Variants in PRSS23 observed in about 807,000 individuals in gnomAD.
PRSS23 encodes protease, serine 23.
PRSS23 carries 25 observed loss-of-function variants against 34.7 expected under a neutral mutation model. The ratio of observed to expected loss-of-function variants is 0.72; its 90% CI spans 0.53 to 1.01. The LOEUF (loss-of-function observed/expected upper bound fraction) is 1.01. PRSS23 is among the 50% of genes least tolerant of loss of function. PRSS23 has a pLI of 0.00. For missense variants in PRSS23, 445 were observed against 475.6 expected (o/e 0.94, Z 0.60); for synonymous variants, 176 against 186.6 (o/e 0.94, Z 0.46).
At chr11:86,821,637 G>T in intron 1 of PRSS23, 1 of 1,590,058 alleles carries the variant, frequency 6.3e-7, no homozygotes, top group African/African-American at 1.3e-5. Flanking sequence ...TTTCATCTTG[G>T]CCTTCAGCTG....
intron 2 of PRSS23, chr11:86,949,070 C>T (rs1328489648): frequency 1.3e-5 from 2 of 152,256 alleles, no homozygotes; most frequent in African/African-American, 4.8e-5. Context: ...AATGGTTCTT[C>T]TGGGGATCAA....
In PRSS23 at chr11:86,847,444, T is replaced by C. The variant is rs542188013; in HGVS notation, c.206+23851T>C. On this transcript the variant is annotated intron_variant, in intron 2 of 2. Transcript: ENST00000533902. ...GCAGGGGCAAGGGAAGTTTCCATCC[T>C]GCCAGTAAGCATGGTTAAATCTGGT... is the stretch of plus-strand genomic sequence containing the variant. Among the ~76,000 whole-genome samples, 41 of 152,300 alleles carry C rather than the reference T, an allele frequency of 2.7e-4. No homozygotes were observed. The East Asian group carries it at 6.4e-3, about 24-fold the overall frequency.
chr11:86,903,915 C>T (rs1049943709), intron 2 of PRSS23, among the ~76,000 whole-genome samples: 4 of 152,152 alleles, frequency 2.6e-5, no homozygotes, highest in Non-Finnish European at 5.9e-5. Context: ...GTGTAAACCA[C>T]CTGGTGTATG....
chr11:86,867,058 G>T (rs112955645), intron 2 of PRSS23, among the ~76,000 whole-genome samples: 2 of 152,314 alleles, frequency 1.3e-5, no homozygotes, highest in African/African-American at 4.8e-5. Flanking sequence ...TAGAGAAAGA[G>T]ACTCAGTACA....
At chr11:86,791,631 G>C (rs1173965656) in intron 1 of PRSS23, among the ~76,000 whole-genome samples, 2 of 152,134 alleles carry the variant, frequency 1.3e-5, no homozygotes, top group Admixed American at 1.3e-4. Context: ...CTAGACTGTG[G>C]GGAAGAAGTG....
chr11:86,908,114 A>G (rs1054051267), intron 2 of PRSS23, among the ~76,000 whole-genome samples: 1 of 152,176 alleles, frequency 6.6e-6, no homozygotes, highest in Admixed American at 6.5e-5. Context: ...TTCTTTATCT[A>G]CAGACATTTA....
At chr11:86,822,423 C>G (rs774993778) in intron 1 of PRSS23, among the ~76,000 whole-genome samples, 1 of 152,062 alleles carries the variant, frequency 6.6e-6, no homozygotes, top group South Asian at 2.1e-4. Flanking sequence ...GAGTTTGAGA[C>G]CAGCCTGGGC....
rs1449161991 is a variant in PRSS23, at chr11:86,826,252, GGAGTTCACTCAT to G, written c.206+2674_206+2685del. On this transcript the variant is annotated intron_variant, in intron 2 of 2. Coordinates refer to the PRSS23 transcript ENST00000533902. Reference sequence around the variant, plus strand: ...ATTCTCTTTGAAGCAATTGTGAATGGGAGTTCACTCATGAGTTCACTCATGATTTGGCTCTCT... The same window carrying G: ...ATTCTCTTTGAAGCAATTGTGAATGGGAGTTCACTCATGATTTGGCTCTCT... Among the ~76,000 whole-genome samples the G allele has an allele frequency of 1.4e-3, 210 of 150,738 alleles. 2 individuals carry two copies. Among genetic ancestry groups the G allele is most frequent in the African/African-American group, 5.0e-3 (199 of 40,138 alleles).
intron 2 of PRSS23, among the ~76,000 whole-genome samples, chr11:86,866,636 TG>T (rs1419362042): frequency 6.6e-6 from 1 of 152,204 alleles, no homozygotes; most frequent in Non-Finnish European, 1.5e-5. Flanking sequence ...CAATGTGGTT[TG>T]TTTGTCACCA....
intron 2 of PRSS23, among the ~76,000 whole-genome samples, chr11:86,836,292 A>T (rs1219738504): frequency 6.6e-6 from 1 of 152,100 alleles, no homozygotes; most frequent in Non-Finnish European, 1.5e-5. Context: ...GGTCCTTAAC[A>T]ATCTTTTGGA....
downstream of PRSS23, among the ~76,000 whole-genome samples, chr11:86,813,373 T>C (rs1035404143): frequency 3.9e-5 from 6 of 152,310 alleles, no homozygotes; most frequent in Admixed American, 1.3e-4. Flanking sequence ...CCTGGCAGTA[T>C]CAAATTTGTT....
chr11:86,847,781 A>C (rs538720544), intron 2 of PRSS23, among the ~76,000 whole-genome samples: 52 of 152,208 alleles, frequency 3.4e-4, no homozygotes, highest in African/African-American at 1.2e-3. Flanking sequence ...TAATTATAAC[A>C]CCCTTCTACA....
chr11:86,947,895 T>C (rs993501871), intron 2 of PRSS23: 1 of 152,260 alleles, frequency 6.6e-6, no homozygotes, highest in African/African-American at 2.4e-5. Flanking sequence ...CATACCCATT[T>C]ACTGTAGGTT....
intron 2 of PRSS23, chr11:86,832,488 C>A: frequency 4.2e-6 from 1 of 235,474 alleles, no homozygotes; most frequent in Admixed American, 4.5e-5. Context: ...TTAACCCACA[C>A]TACAAAAGGA....
Position 86,827,587 on chromosome 11 carries a change from G to A in PRSS23, c.206+3994G>A, listed in dbSNP as rs541949603. Among the ~76,000 whole-genome samples, 221 of 151,990 alleles carry A rather than the reference G, an allele frequency of 1.5e-3. 1 individual carries two copies. Among genetic ancestry groups the A allele is most frequent in the African/African-American group, 4.0e-3 (166 of 41,442 alleles). On this transcript the variant is annotated intron_variant, in intron 2 of 2. Coordinates refer to the PRSS23 transcript ENST00000533902. ...TCTAGTTCTTTTAATTGTGATGTTCGGGTGTCAATTTTGGATCTTTCCTGC... is the reference window on the plus strand; with the variant it reads ...TCTAGTTCTTTTAATTGTGATGTTCAGGTGTCAATTTTGGATCTTTCCTGC...
chr11:86,839,056 T>TA (rs36015483), intron 2 of PRSS23, among the ~76,000 whole-genome samples: 39,003 of 143,972 alleles, frequency 0.27, 5,274 homozygotes, highest in East Asian at 0.47. Context: ...AGCAAAAAAT[T>TA]AAAAAAAAAA....
chr11:86,796,640 C>CAAAAA (rs10543755), upstream of PRSS23, among the ~76,000 whole-genome samples: 3 of 80,316 alleles, frequency 3.7e-5, no homozygotes, highest in Admixed American at 1.4e-4. Flanking sequence ...GACTCCGTCT[C>CAAAAA]AAAAAAAAAA....
rs2155080 is a variant in PRSS23 at position 86,809,590 on chromosome 11, G to C, written c.*795G>C. ...TTAACAGGATTTCACTCACATTTCT[G>C]GAACTAGCTATTTTTCAGAAGACAA... On this transcript the variant is annotated 3_prime_UTR_variant, in exon 2 of 2. Coordinates refer to ENST00000280258, the MANE Select transcript of PRSS23 (RefSeq NM_007173.6). The C allele has an allele frequency of 6.0e-6, 1 of 166,740 alleles. No individual in the cohort carries two copies. Among genetic ancestry groups the C allele is most frequent in the African/African-American group, 2.4e-5 (1 of 41,318 alleles). 10.3% of individuals were successfully genotyped at this position (166,740 alleles called of 1,614,324 possible). A position where few individuals can be genotyped will look rare whatever the true frequency, so the allele number is the denominator to read the frequency against.
At chr11:86,861,805 A>G (rs73512437) in intron 2 of PRSS23, among the ~76,000 whole-genome samples, 6,115 of 151,746 alleles carry the variant, frequency 0.04, 418 homozygotes, top group African/African-American at 0.14. Flanking sequence ...GATAGGGTGT[A>G]CACGCCTTTG....
Sources: allele counts gnomAD v4.1 joint callset (sites outside exome capture counted in the v4.1 genomes callset), GRCh38; gene constraint gnomAD v4.1.1; transcripts MANE v1.5; gene names NCBI Gene and HGNC (gene_info 2026-07-23, HGNC 2026-07-21).